Variants in AFF3 observed in about 807,000 individuals in gnomAD.
AFF3 encodes the protein ALF transcription elongation factor 3, also known as AF4/FMR2 family member 3.
In AFF3, 32 loss-of-function variants were observed where a neutral mutation model predicts 129.7. The observed-to-expected ratio is 0.25, with a 90% confidence interval of 0.19 to 0.33. The LOEUF (loss-of-function observed/expected upper bound fraction) is 0.33, where lower values mean the gene tolerates loss of function less well. Ranked by LOEUF, AFF3 falls within the 10% of genes least tolerant of loss-of-function variation. The pLI, the probability that AFF3 is intolerant of heterozygous loss-of-function variation, is 1.00. For missense variants in AFF3, 1,373 were observed against 1,592.0 expected (o/e 0.86, Z 2.34); for synonymous variants, 644 against 635.4 (o/e 1.01, Z -0.20).
At chr2:99,737,374 T>C (rs1680343508) in intron 10 of AFF3, among the ~76,000 whole-genome samples, 1 of 152,170 alleles carries the variant, frequency 6.6e-6, no homozygotes, top group Non-Finnish European at 1.5e-5. Context: ...TCTTTTAAAA[T>C]TTCTTTTGTG....
At chr2:100,075,523 A>G (rs1174848300) in intron 4 of AFF3, among the ~76,000 whole-genome samples, 2 of 152,168 alleles carry the variant, frequency 1.3e-5, no homozygotes, top group Non-Finnish European at 2.9e-5. Context: ...ACAGAGCACC[A>G]CCAGACAAGA....
intron 4 of AFF3, among the ~76,000 whole-genome samples, chr2:100,077,486 C>T (rs1688673526): frequency 1.3e-5 from 2 of 152,166 alleles, no homozygotes; most frequent in Admixed American, 6.5e-5. Flanking sequence ...GGAGCACAGG[C>T]CTGCCAACAC....
chr2:99,780,508 C>T (rs975259679), intron 8 of AFF3, among the ~76,000 whole-genome samples: 6 of 152,172 alleles, frequency 3.9e-5, no homozygotes, highest in Admixed American at 1.3e-4. Context: ...ATCCTGGCCA[C>T]GTTTACCCTG....
intron 7 of AFF3, among the ~76,000 whole-genome samples, chr2:99,847,195 G>A (rs2105847783): frequency 6.6e-6 from 1 of 151,944 alleles, no homozygotes; most frequent in South Asian, 2.1e-4. Flanking sequence ...CATTCTTTTT[G>A]AGACAGAGTT....
At chr2:100,022,368 C>T (rs1267223060) in intron 4 of AFF3, among the ~76,000 whole-genome samples, 1 of 152,072 alleles carries the variant, frequency 6.6e-6, no homozygotes, top group Non-Finnish European at 1.5e-5. Flanking sequence ...TGTTTGTTTC[C>T]TCTTACCTTA....
intron 7 of AFF3, among the ~76,000 whole-genome samples, chr2:99,999,899 C>T (rs939808927): frequency 6.6e-6 from 1 of 152,178 alleles, no homozygotes; most frequent in African/African-American, 2.4e-5. Flanking sequence ...AGAGAGGGGT[C>T]CCAGTCAGTA....
chr2:99,908,170 C>T (rs1328184896), intron 7 of AFF3, among the ~76,000 whole-genome samples: 1 of 152,150 alleles, frequency 6.6e-6, no homozygotes, highest in Non-Finnish European at 1.5e-5. Flanking sequence ...CAACTTTTCA[C>T]TCATGTCATT....
chr2:99,618,506 G>A (rs942798123), intron 13 of AFF3, among the ~76,000 whole-genome samples: 1 of 151,966 alleles, frequency 6.6e-6, no homozygotes, highest in Non-Finnish European at 1.5e-5. Flanking sequence ...AAAGTGCTGG[G>A]ATCACAGGTG....
At chr2:100,058,333 G>C (rs113170635) in intron 4 of AFF3, among the ~76,000 whole-genome samples, 7 of 152,198 alleles carry the variant, frequency 4.6e-5, no homozygotes, top group African/African-American at 1.7e-4. Context: ...ACCATGCTAC[G>C]TGTATTTTTT....
intron 15 of AFF3, among the ~76,000 whole-genome samples, chr2:99,588,011 A>G (rs2104901037): frequency 6.6e-6 from 1 of 151,284 alleles, no homozygotes; most frequent in South Asian, 2.1e-4. Flanking sequence ...TCCGTCTCAA[A>G]AAAAAAAAAA....
intron 1 of AFF3, among the ~76,000 whole-genome samples, chr2:100,140,805 T>C (rs28465276): frequency 0.029 from 4,479 of 152,248 alleles, 222 homozygotes; most frequent in African/African-American, 0.1. Flanking sequence ...GTGCTGTTCC[T>C]CTTTCCTGCT....
At chr2:100,103,094 A>C (rs1690868214) in intron 4 of AFF3, among the ~76,000 whole-genome samples, 1 of 152,218 alleles carries the variant, frequency 6.6e-6, no homozygotes, top group Admixed American at 6.5e-5. Context: ...TTTTATAAGA[A>C]ACCGTTTGAT....
chr2:99,887,752 G>T (rs1045362075), intron 7 of AFF3, among the ~76,000 whole-genome samples: 3 of 152,132 alleles, frequency 2.0e-5, no homozygotes, highest in African/African-American at 7.2e-5. Context: ...ATTGCAAAAG[G>T]CATCGTGCTC....
At chr2:99,583,870 T>C (rs1157979052) in intron 16 of AFF3, among the ~76,000 whole-genome samples, 2 of 151,520 alleles carry the variant, frequency 1.3e-5, no homozygotes, top group Non-Finnish European at 2.9e-5. Context: ...ATCCAGCTAC[T>C]TTTTGTATTT....
rs1165130206 is a variant in AFF3, at chr2:100,104,472, T to TCGC, written c.-21_-19dup. On this transcript the variant is annotated 5_prime_UTR_variant, in exon 4 of 25. Transcript: ENST00000672756. ...CTGTCCATGGTGGGAGGTGTCAGCGTCGCCGCCGCCGCTACCGCCGCCGCC... is the reference window on the plus strand; with the variant it reads ...CTGTCCATGGTGGGAGGTGTCAGCGTCGCCGCCGCCGCCGCTACCGCCGCCGCC... The TCGC allele has an allele frequency of 4.6e-6, 6 of 1,303,996 alleles. No individual in the cohort carries two copies. The highest frequency in any genetic ancestry group is 6.0e-6 in the Non-Finnish European group (6 of 1,002,514). 80.8% of individuals were successfully genotyped at this position (1,303,996 alleles called of 1,614,324 possible). A position where few individuals can be genotyped will look rare whatever the true frequency, so the allele number is the denominator to read the frequency against.
chr2:99,942,778 CA>C (rs1675179888), intron 7 of AFF3, among the ~76,000 whole-genome samples: 1 of 152,060 alleles, frequency 6.6e-6, no homozygotes, highest in South Asian at 2.1e-4. Flanking sequence ...TCTCTAGAGC[CA>C]GGGGATTCCC....
intron 11 of AFF3, among the ~76,000 whole-genome samples, chr2:99,680,029 G>C (rs1013571583): frequency 6.6e-6 from 1 of 152,198 alleles, no homozygotes; most frequent in African/African-American, 2.4e-5. Context: ...AACATCCCAT[G>C]ATGCTTTCCA....
intron 7 of AFF3, among the ~76,000 whole-genome samples, chr2:99,961,401 G>T (rs1224241934): frequency 6.6e-6 from 1 of 152,186 alleles, no homozygotes; most frequent in Non-Finnish European, 1.5e-5. Context: ...GGGCCCCGGT[G>T]TTTCTTGCCC....
At chr2:100,122,528 CAG>C (rs2105561095) in intron 2 of AFF3, among the ~76,000 whole-genome samples, 1 of 152,248 alleles carries the variant, frequency 6.6e-6, no homozygotes, top group East Asian at 1.9e-4. Flanking sequence ...AGCAGAGAGG[CAG>C]AGAGTGAAGA....
Sources: gnomAD v4.1 joint callset for allele counts (sites outside exome capture counted in the v4.1 genomes callset) on GRCh38, gnomAD v4.1.1 for gene constraint, MANE v1.5 for transcripts, NCBI Gene and HGNC (gene_info 2026-07-23, HGNC 2026-07-21) for gene names.